The following IL1RAPL1 variants were observed in gnomAD, a reference collection of about 807,000 sequenced individuals.
The protein encoded by IL1RAPL1 is interleukin 1 receptor accessory protein like 1, also known as interleukin-1 receptor accessory protein-like 1.
In IL1RAPL1, 3 loss-of-function variants were observed where a neutral mutation model predicts 48.4. The observed-to-expected ratio is 0.06, with a 90% CI of 0.03 to 0.16. The LOEUF (loss-of-function observed/expected upper bound fraction) is 0.16, where lower values mean the gene tolerates loss of function less well. Ranked by LOEUF, IL1RAPL1 falls within the 10% of genes least tolerant of loss-of-function variation. IL1RAPL1 has a pLI of 1.00. For missense variants in IL1RAPL1, 349 were observed against 530.6 expected, an observed-to-expected ratio of 0.66 and a Z score of 3.36; for synonymous variants, 185 against 187.7, an observed-to-expected ratio of 0.99 and a Z score of 0.12.
intron 6 of IL1RAPL1, among the ~76,000 whole-genome samples, chrX:29,815,753 G>A (rs1930478177): frequency 1.8e-5 from 2 of 111,029 alleles, no homozygotes; most frequent in South Asian, 7.5e-4. Flanking sequence ...ATGTTCCCTA[G>A]ATGCCTAGTT....
rs1239432109 is a variant in IL1RAPL1, at chrX:29,518,649, G to A, written c.703+119341G>A. ...CCTGACAAGGAGGTCAGTGTGGATG[G>A]AATGGCATGAATGAGAAGAGTAGTA... On this transcript the variant is annotated intron_variant, in intron 5 of 10. Coordinates refer to ENST00000378993, the MANE Select transcript of IL1RAPL1 (RefSeq NM_014271.4). 2.7e-5 allele frequency among the ~76,000 whole-genome samples: 3 copies of A among 111,334 alleles called. No individual in the cohort carries two copies. The Admixed American group carries it at 2.9e-4, about 11-fold the overall frequency.
intron 6 of IL1RAPL1, among the ~76,000 whole-genome samples, chrX:29,780,123 A>G (rs1929302282): frequency 8.9e-6 from 1 of 111,824 alleles, no homozygotes; most frequent in Non-Finnish European, 1.9e-5. Context: ...ATGTCAAGTA[A>G]GCTCAACTGA....
chrX:29,042,602 AATTAT>A (rs924583775), intron 2 of IL1RAPL1, among the ~76,000 whole-genome samples: 3 of 111,667 alleles, frequency 2.7e-5, no homozygotes, highest in African/African-American at 9.8e-5. Context: ...TTGTAAGCGT[AATTAT>A]ATTATATTAT....
chrX:29,232,249 T>A (rs1460488258), intron 2 of IL1RAPL1, among the ~76,000 whole-genome samples: 2 of 111,905 alleles, frequency 1.8e-5, no homozygotes, highest in African/African-American at 3.2e-5. Context: ...CTCCTTTAAA[T>A]GAAACATGGA....
At chrX:29,753,997 C>A (rs917025473) in intron 6 of IL1RAPL1, among the ~76,000 whole-genome samples, 1 of 111,738 alleles carries the variant, frequency 8.9e-6, no homozygotes, top group African/African-American at 3.2e-5. Flanking sequence ...TCAACTTTTT[C>A]TCTATTCATT....
At chrX:29,359,945 A>T (rs766390525) in intron 3 of IL1RAPL1, among the ~76,000 whole-genome samples, 37 of 110,909 alleles carry the variant, frequency 3.3e-4, no homozygotes, top group African/African-American at 1.1e-3. Context: ...TTCCACAAAG[A>T]TCCCTCAAGT....
chrX:29,402,861 A>G (rs1297946972), intron 5 of IL1RAPL1, among the ~76,000 whole-genome samples: 1 of 110,565 alleles, frequency 9.0e-6, no homozygotes, highest in Non-Finnish European at 1.9e-5. Context: ...GATTTTTCTG[A>G]GATTTTTTCA....
intron 3 of IL1RAPL1, among the ~76,000 whole-genome samples, chrX:29,379,013 G>C (rs1321657249): frequency 8.9e-6 from 1 of 112,542 alleles, no homozygotes; most frequent in Non-Finnish European, 1.9e-5. Context: ...TTTCAGTGCT[G>C]TGAGAGTGGG....
At chrX:28,598,891 G>A (rs1257019925) in intron 1 of IL1RAPL1, among the ~76,000 whole-genome samples, 2 of 107,293 alleles carry the variant, frequency 1.9e-5, no homozygotes, top group Admixed American at 2.0e-4. Flanking sequence ...GCCTCCCAAA[G>A]TGCTGGGATT....
At chrX:29,007,147 G>C (rs983173557) in intron 2 of IL1RAPL1, among the ~76,000 whole-genome samples, 1 of 111,784 alleles carries the variant, frequency 8.9e-6, no homozygotes, top group Non-Finnish European at 1.9e-5. Context: ...TTTTCTAGTA[G>C]AGTAAAAATA....
intron 2 of IL1RAPL1, among the ~76,000 whole-genome samples, chrX:29,162,566 T>C (rs1452452216): frequency 1.8e-5 from 2 of 110,060 alleles, no homozygotes; most frequent in Non-Finnish European, 3.8e-5. Context: ...TAATATATAG[T>C]ATACATTAAT....
chrX:29,069,712 C>T (rs1164455335), intron 2 of IL1RAPL1, among the ~76,000 whole-genome samples: 1 of 108,620 alleles, frequency 9.2e-6, no homozygotes, highest in Non-Finnish European at 1.9e-5. Context: ...GAAATCTATG[C>T]ATGATCTTCT....
intron 1 of IL1RAPL1, among the ~76,000 whole-genome samples, chrX:28,708,831 G>T (rs1935406118): frequency 9.0e-6 from 1 of 111,053 alleles, no homozygotes; most frequent in African/African-American, 3.3e-5. Flanking sequence ...AGGATGAAGA[G>T]AAGTGGGTTA....
At chrX:28,675,160 T>C (rs1168047199) in intron 1 of IL1RAPL1, among the ~76,000 whole-genome samples, 1 of 111,593 alleles carries the variant, frequency 9.0e-6, no homozygotes, top group African/African-American at 3.3e-5. Context: ...GACCATTTGG[T>C]GTAGATAATG....
At chrX:28,678,112 C>CT (rs1569150394) in intron 1 of IL1RAPL1, among the ~76,000 whole-genome samples, 1 of 111,851 alleles carries the variant, frequency 8.9e-6, no homozygotes, top group African/African-American at 3.3e-5. Context: ...GGCCAGGCTT[C>CT]TGCCTCAAAT....
At chrX:29,934,533 T>C (rs1932998179) in intron 8 of IL1RAPL1, among the ~76,000 whole-genome samples, 1 of 112,437 alleles carries the variant, frequency 8.9e-6, no homozygotes, top group Non-Finnish European at 1.9e-5. Context: ...ACTTTCTATT[T>C]TGGAATACAA....
intron 2 of IL1RAPL1, among the ~76,000 whole-genome samples, chrX:28,994,494 C>G (rs1355451636): frequency 2.7e-5 from 3 of 111,191 alleles, no homozygotes; most frequent in African/African-American, 9.8e-5. Flanking sequence ...TTTGATATGC[C>G]CTTTAGACTT....
At chrX:29,636,873 T>G in intron 5 of IL1RAPL1, among the ~76,000 whole-genome samples, 1 of 110,785 alleles carries the variant, frequency 9.0e-6, no homozygotes, top group Middle Eastern at 4.6e-3. Flanking sequence ...ACCCCGTCTC[T>G]ACTAAAAATA....
At chrX:28,615,199 G>GTTTTTTTTTTTT (rs778402885) in intron 1 of IL1RAPL1, among the ~76,000 whole-genome samples, 4 of 26,056 alleles carry the variant, frequency 1.5e-4, no homozygotes, top group African/African-American at 4.3e-4. Context: ...ACTGTTGTCT[G>GTTTTTTTTTTTT]TTTTTTTTTT....
Sources: allele counts gnomAD v4.1 joint callset (sites outside exome capture counted in the v4.1 genomes callset), GRCh38; gene constraint gnomAD v4.1.1; transcripts MANE v1.5; gene names NCBI Gene and HGNC (gene_info 2026-07-23, HGNC 2026-07-21).